BPTF: variants seen among roughly 807,000 people sequenced by gnomAD.
The protein encoded by BPTF is bromodomain PHD finger transcription factor.
A neutral mutation model predicts 292.5 loss-of-function variants in BPTF; 18 were observed. That is an observed-to-expected ratio of 0.06 (90% CI 0.04 to 0.09). The LOEUF (loss-of-function observed/expected upper bound fraction) is 0.09. Ranked by LOEUF, BPTF falls within the 10% of genes least tolerant of loss-of-function variation. The pLI, the probability that BPTF is intolerant of heterozygous loss-of-function variation, is 1.00. For synonymous variants in BPTF, 1,225 were observed against 1,251.9 expected (o/e 0.98, Z 0.45); for missense variants, 2,726 against 3,498.7 (o/e 0.78, Z 5.57).
At chr17:67,955,999 T>A (rs544518211) in intron 23 of BPTF, 1 of 151,390 alleles carries the variant, frequency 6.6e-6, no homozygotes, top group Non-Finnish European at 1.5e-5. Context: ...AAGAATTCTC[T>A]GGGTGTTATG....
At chr17:67,939,736 C>T (rs1264201947) in intron 18 of BPTF, among the ~76,000 whole-genome samples, 1 of 152,078 alleles carries the variant, frequency 6.6e-6, no homozygotes, top group Admixed American at 6.6e-5. Context: ...AAAAATTAGT[C>T]GGGTGTGGTG....
intron 1 of BPTF, among the ~76,000 whole-genome samples, chr17:67,839,792 T>C (rs562879969): frequency 6.6e-6 from 1 of 152,318 alleles, no homozygotes; most frequent in South Asian, 2.1e-4. Flanking sequence ...AATACTTGTT[T>C]TTCTTGAGTA....
At chr17:67,957,453 G>A (rs1555681638) in intron 23 of BPTF, among the ~76,000 whole-genome samples, 1 of 152,198 alleles carries the variant, frequency 6.6e-6, no homozygotes, top group Non-Finnish European at 1.5e-5. Context: ...TGTAATCCAA[G>A]CACTTTGGGA....
At chr17:67,955,138 A>G (rs1218626640) in intron 23 of BPTF, among the ~76,000 whole-genome samples, 2 of 151,984 alleles carry the variant, frequency 1.3e-5, no homozygotes, top group Non-Finnish European at 2.9e-5. Flanking sequence ...AAAAAATACA[A>G]AAATTAGCCA....
chr17:67,945,617 A>G lies in BPTF; in HGVS notation c.6909A>G (p.Thr2303=), dbSNP rs2065751127. 6.2e-7 allele frequency: 1 copy of G among 1,613,382 alleles called. No homozygotes were observed. Among genetic ancestry groups the G allele is most frequent in the Non-Finnish European group, 8.5e-7 (1 of 1,179,772 alleles). The change falls in exon 21 of 28, where the codon ACA becomes ACG. Residue 2303 remains threonine (T), a synonymous_variant. Transcript: ENST00000306378. ...CTCAGCCTGAAGTTCAGACCCAAAC[A>G]ACTGTTTCATCCCATGTCCCTTCTG... The part of the protein sequence containing the change: ...VQTQPEVQTQ[T]TVSSHVPSEA...
At chr17:67,875,590 G>A in intron 4 of BPTF, 7 of 1,577,156 alleles carry the variant, frequency 4.4e-6, no homozygotes, top group Non-Finnish European at 6.0e-6. Flanking sequence ...GTAACTCTGT[G>A]TCAGCAAATC....
Position 67,912,199 on chromosome 17 carries a change from A to G in BPTF, c.4315A>G (p.Lys1439Glu). The change falls in exon 11 of 28, where the codon AAG becomes GAG. Residue 1439 changes from lysine to glutamate, a missense_variant. Around this residue, in one of 22 missense-constraint regions of BPTF, gnomAD observed 713 missense variants for 714.9 expected, o/e 1.00. Coordinates refer to ENST00000306378, the MANE Select transcript of BPTF (RefSeq NM_182641.4). The part of the protein sequence containing the change: ...SRVVSGNVEP[K>E]VNNINKIIPE... ...AGTAGTAAGTGGTAATGTTGAACCA[A>G]AGGTTAATAATATAAATAAAATAAT... 6.2e-7 allele frequency: 1 copy of G among 1,609,950 alleles called. No homozygotes were observed. The highest frequency in any genetic ancestry group is 8.5e-7 in the Non-Finnish European group (1 of 1,177,830).
intron 11 of BPTF, among the ~76,000 whole-genome samples, chr17:67,917,791 C>G (rs2063146428): frequency 6.6e-6 from 1 of 151,892 alleles, no homozygotes; most frequent in African/African-American, 2.4e-5. Flanking sequence ...CACCACCATG[C>G]CCAACTAAGT....
At chr17:67,981,682 A>T in intron 27 of BPTF, 1 of 991,920 alleles carries the variant, frequency 1.0e-6, no homozygotes, top group Non-Finnish European at 1.2e-6. Context: ...TTTCAATATA[A>T]AGTCCTTTGA....
At chr17:67,940,360 A>C in intron 18 of BPTF, 79 bp from the exon 19 acceptor site, 4 of 1,247,598 alleles carry the variant, frequency 3.2e-6, no homozygotes, top group Non-Finnish European at 4.6e-6. Flanking sequence ...GAATACGTTC[A>C]TGTGAGGTGT....
intron 26 of BPTF, among the ~76,000 whole-genome samples, chr17:67,972,153 A>G (rs2148537748): frequency 6.6e-6 from 1 of 152,262 alleles, no homozygotes; most frequent in Non-Finnish European, 1.5e-5. Flanking sequence ...GTTTTTATGT[A>G]AGAGTTTCCT....
intron 13 of BPTF, among the ~76,000 whole-genome samples, 168 bp from the exon 14 acceptor site, chr17:67,922,672 A>G (rs569547104): frequency 6.6e-6 from 1 of 152,260 alleles, no homozygotes; most frequent in Admixed American, 6.5e-5. Flanking sequence ...TCACTTACGT[A>G]TTGTCTTTGG....
At position 67,854,876 on chromosome 17, in the gene BPTF, A is replaced by G; in HGVS notation, c.1436+114A>G. 1 of 689,294 alleles carries G rather than the reference A, an allele frequency of 1.5e-6. No individual in the cohort carries two copies. The highest frequency in any genetic ancestry group is 2.4e-6 in the Non-Finnish European group (1 of 416,470). 42.7% of individuals were successfully genotyped at this position (689,294 alleles called of 1,614,324 possible). A position where few individuals can be genotyped will look rare whatever the true frequency, so the allele number is the denominator to read the frequency against. Reference sequence around the variant, plus strand: ...GTGGTATAAACCTTTGTAACTTAATAGTTATACAGTTAAATAATTTCTTAA... The same window carrying G: ...GTGGTATAAACCTTTGTAACTTAATGGTTATACAGTTAAATAATTTCTTAA... On this transcript the variant is annotated intron_variant, in intron 2 of 27. Transcript: ENST00000306378. This position sits in a 1 kb window ranked among gnomAD's most constrained non-coding sequence, Gnocchi z 5.6.
intron 1 of BPTF, among the ~76,000 whole-genome samples, chr17:67,835,484 A>G (rs1360481411): frequency 6.6e-6 from 1 of 152,106 alleles, no homozygotes; most frequent in Non-Finnish European, 1.5e-5. Context: ...ACTCTGGCTG[A>G]GTGAAGTCCT....
intron 2 of BPTF, among the ~76,000 whole-genome samples, chr17:67,861,411 A>G (rs1490782036): frequency 6.7e-6 from 1 of 149,780 alleles, no homozygotes; most frequent in Non-Finnish European, 1.5e-5. Flanking sequence ...GCTCACTGCA[A>G]CCCCCTGCCT....
chr17:67,916,707 A>G (rs981067468), intron 11 of BPTF, among the ~76,000 whole-genome samples: 5 of 150,134 alleles, frequency 3.3e-5, no homozygotes, highest in African/African-American at 1.2e-4. Context: ...CGAAGGTTTC[A>G]GTGAGCCAAG....
rs1354359508 is a variant in BPTF, at chr17:67,932,602, G to A, written c.6259+583G>A. On this transcript the variant is annotated intron_variant, in intron 18 of 27. Coordinates refer to ENST00000306378, the MANE Select transcript of BPTF (RefSeq NM_182641.4). ...TGTAATCCCAGCTACTTGGGAGGCC[G>A]AGGTGGAAGAATCGCTTGAAACCAG... is the stretch of plus-strand genomic sequence containing the variant. Among the ~76,000 whole-genome samples, 7 of 152,178 alleles carry A rather than the reference G, an allele frequency of 4.6e-5. No homozygotes were observed. In the South Asian group the frequency reaches 6.2e-4, roughly 14 times the overall value.
chr17:67,918,023 TCTC>T (rs2063168274), intron 11 of BPTF, among the ~76,000 whole-genome samples: 1 of 151,694 alleles, frequency 6.6e-6, no homozygotes, highest in East Asian at 1.9e-4. Context: ...GTGGTCTCAA[TCTC>T]CTGACCTTGT....
chr17:67,867,336 T>TA (rs1057196963), intron 3 of BPTF, among the ~76,000 whole-genome samples: 1 of 152,250 alleles, frequency 6.6e-6, no homozygotes. Context: ...TTTGCCTTTT[T>TA]AAAAAAATAA....
Sources: gnomAD v4.1 joint callset for allele counts (sites outside exome capture counted in the v4.1 genomes callset) on GRCh38, gnomAD v4.1.1 for gene constraint, gnomAD v4.1.1 regional missense constraint, Gnocchi (gnomAD v3.1) non-coding constraint, MANE v1.5 for transcripts, NCBI Gene and HGNC (gene_info 2026-07-23, HGNC 2026-07-21) for gene names.